SCHIP1: variants seen among roughly 807,000 people sequenced by gnomAD.
SCHIP1 encodes the protein schwannomin-interacting protein 1.
A neutral mutation model predicts 29.7 loss-of-function variants in SCHIP1; 8 were observed. The ratio of observed to expected loss-of-function variants is 0.27; its 90% CI spans 0.16 to 0.49. The LOEUF (loss-of-function observed/expected upper bound fraction) is 0.49, where lower values mean the gene tolerates loss of function less well. Among genes scored for constraint, SCHIP1 ranks in the 20% least tolerant of loss-of-function variants. SCHIP1 has a pLI of 0.99. For synonymous variants in SCHIP1, 76 were observed against 94.9 expected, an observed-to-expected ratio of 0.80 and a Z score of 1.16; for missense variants, 193 against 294.6, an observed-to-expected ratio of 0.66 and a Z score of 2.52.
At chr3:159,370,170 CCAGTCTT>C in the SCHIP1 span, among the ~76,000 whole-genome samples, 2 of 152,200 alleles carry the variant, frequency 1.3e-5, no homozygotes, top group Non-Finnish European at 2.9e-5. Flanking sequence ...GGAGTAAAGA[CCAGTCTT>C]GCAGTAGCTG....
chr3:159,545,671 TAATA>T, the SCHIP1 span, among the ~76,000 whole-genome samples: 1 of 147,712 alleles, frequency 6.8e-6, no homozygotes, highest in African/African-American at 2.5e-5. Flanking sequence ...TATATGTATA[TAATA>T]TATAGTATTA....
the SCHIP1 span, among the ~76,000 whole-genome samples, chr3:159,554,008 G>A: frequency 8.3e-6 from 1 of 120,124 alleles, no homozygotes; most frequent in African/African-American, 4.5e-5. Context: ...GTGTGTGTGT[G>A]TGTGTGTGTG....
the SCHIP1 span, among the ~76,000 whole-genome samples, chr3:159,539,895 T>TA: frequency 2.6e-5 from 4 of 151,880 alleles, 1 homozygote; most frequent in Admixed American, 6.6e-5. Flanking sequence ...AAAGAGATGA[T>TA]TCCTCTTTAG....
At chr3:159,528,324 G>A in the SCHIP1 span, among the ~76,000 whole-genome samples, 1 of 152,116 alleles carries the variant, frequency 6.6e-6, no homozygotes, top group South Asian at 2.1e-4. Context: ...TATAAATCTG[G>A]ATCAGTGAAG....
At chr3:159,600,752 C>T in the SCHIP1 span, among the ~76,000 whole-genome samples, 9 of 152,010 alleles carry the variant, frequency 5.9e-5, no homozygotes, top group African/African-American at 2.2e-4. Context: ...TTTCACATTT[C>T]CTGTGCTCTT....
chr3:159,837,989 G>C (rs370922825), upstream of SCHIP1, among the ~76,000 whole-genome samples: 3 of 152,088 alleles, frequency 2.0e-5, no homozygotes, highest in African/African-American at 7.2e-5. Context: ...CCCCTCTCCT[G>C]GACTAGGAAG....
chr3:159,362,245 A>T, the SCHIP1 span, among the ~76,000 whole-genome samples: 1 of 152,208 alleles, frequency 6.6e-6, no homozygotes, highest in Non-Finnish European at 1.5e-5. Flanking sequence ...CAACTCTGTC[A>T]AATGGTGAAT....
At chr3:159,435,064 C>T in the SCHIP1 span, among the ~76,000 whole-genome samples, 1 of 152,226 alleles carries the variant, frequency 6.6e-6, no homozygotes, top group Non-Finnish European at 1.5e-5. Flanking sequence ...GTTCCAGATA[C>T]TGTGCACACT....
At chr3:159,626,813 T>C in the SCHIP1 span, among the ~76,000 whole-genome samples, 1 of 152,162 alleles carries the variant, frequency 6.6e-6, no homozygotes, top group Non-Finnish European at 1.5e-5. Context: ...CTTTTGTACA[T>C]GCATTGGGAT....
At chr3:159,680,592 ATG>A in the SCHIP1 span, among the ~76,000 whole-genome samples, 2 of 105,070 alleles carry the variant, frequency 1.9e-5, no homozygotes, top group Non-Finnish European at 3.5e-5. Flanking sequence ...TATATAATAT[ATG>A]TATAATATAT....
intron 6 of SCHIP1, 66 bp downstream of exon 7, chr3:159,892,256 C>T: frequency 1.9e-6 from 3 of 1,572,006 alleles, no homozygotes; most frequent in Non-Finnish European, 2.6e-6. Flanking sequence ...AAGAATTAGG[C>T]AAAAACTAGC....
At chr3:159,552,399 C>G in the SCHIP1 span, among the ~76,000 whole-genome samples, 1 of 152,058 alleles carries the variant, frequency 6.6e-6, no homozygotes, top group Non-Finnish European at 1.5e-5. Flanking sequence ...CACAGAATAA[C>G]TACTCTGACC....
At chr3:159,766,284 A>G in the SCHIP1 span, among the ~76,000 whole-genome samples, 1 of 152,140 alleles carries the variant, frequency 6.6e-6, no homozygotes, top group Non-Finnish European at 1.5e-5. Context: ...AGGGGTGAGG[A>G]TGGTAACTGT....
chr3:159,704,939 TC>T, the SCHIP1 span, among the ~76,000 whole-genome samples: 2 of 145,474 alleles, frequency 1.4e-5, no homozygotes, highest in Admixed American at 6.8e-5. Flanking sequence ...TTTCTTTCTT[TC>T]CTTTCTTTCT....
At chr3:159,456,332 A>T in the SCHIP1 span, among the ~76,000 whole-genome samples, 2 of 152,202 alleles carry the variant, frequency 1.3e-5, no homozygotes, top group African/African-American at 4.8e-5. Flanking sequence ...GGAATAGTGG[A>T]CTTCATTTTA....
the SCHIP1 span, among the ~76,000 whole-genome samples, chr3:159,829,696 T>C: frequency 1.3e-5 from 2 of 152,358 alleles, no homozygotes; most frequent in Admixed American, 6.5e-5. Flanking sequence ...GTGGTAGCTC[T>C]GTACTGGCCT....
chr3:159,346,520 C>G, the SCHIP1 span, among the ~76,000 whole-genome samples: 1,177 of 152,062 alleles, frequency 7.7e-3, 11 homozygotes, highest in African/African-American at 0.027. Flanking sequence ...TTAATTAAAA[C>G]ACATTTTAAT....
the SCHIP1 span, among the ~76,000 whole-genome samples, chr3:159,813,217 G>GT: frequency 3.3e-5 from 5 of 151,562 alleles, no homozygotes; most frequent in Admixed American, 6.6e-5. Flanking sequence ...ACTGGCTCTA[G>GT]TTTTTTTTTA....
the SCHIP1 span, among the ~76,000 whole-genome samples, chr3:159,495,665 G>GA: frequency 1.3e-5 from 2 of 152,176 alleles, no homozygotes; most frequent in African/African-American, 4.8e-5. Flanking sequence ...TCAATATCGT[G>GA]AAAATGGCCA....
Sources: allele counts gnomAD v4.1 joint callset (sites outside exome capture counted in the v4.1 genomes callset), GRCh38; gene constraint gnomAD v4.1.1; transcripts MANE v1.5; gene names NCBI Gene and HGNC (gene_info 2026-07-23, HGNC 2026-07-21).